RIPOR2: variants seen among roughly 807,000 people sequenced by gnomAD.
RIPOR2 encodes RHO family interacting cell polarization regulator 2, also known as rho family-interacting cell polarization regulator 2.
Under a neutral mutation model 114.5 loss-of-function variants are expected in RIPOR2, and 39 were observed. The ratio of observed to expected loss-of-function variants is 0.34; its 90% CI spans 0.26 to 0.44. The LOEUF is 0.44. Ranked by LOEUF, RIPOR2 falls within the 20% of genes least tolerant of loss-of-function variation. The pLI is 1.00. For missense variants in RIPOR2, 1,007 were observed against 1,255.1 expected (o/e 0.80, Z 2.99); for synonymous variants, 445 against 484.4 (o/e 0.92, Z 1.07).
At chr6:24,861,553 G>A (rs1422960549) in intron 7 of RIPOR2, among the ~76,000 whole-genome samples, 1 of 152,208 alleles carries the variant, frequency 6.6e-6, no homozygotes, top group Non-Finnish European at 1.5e-5. Context: ...ATGGTATGTG[G>A]TTATGTAGGA....
intron 1 of RIPOR2, among the ~76,000 whole-genome samples, chr6:24,943,987 A>C (rs1426154197): frequency 2.0e-5 from 3 of 152,160 alleles, no homozygotes; most frequent in African/African-American, 4.8e-5. Context: ...CAGCCGCCTA[A>C]GTCAGTGGAT....
intron 1 of RIPOR2, among the ~76,000 whole-genome samples, chr6:24,950,470 T>C (rs1477462539): frequency 1.3e-5 from 2 of 152,170 alleles, no homozygotes; most frequent in Non-Finnish European, 2.9e-5. Flanking sequence ...TTAATGACAA[T>C]AAAGGCACAT....
intron 19 of RIPOR2, among the ~76,000 whole-genome samples, chr6:24,820,869 CTTTTTTTTTTT>C (rs34770819): frequency 4.8e-5 from 4 of 84,064 alleles, no homozygotes; most frequent in Non-Finnish European, 8.7e-5. Flanking sequence ...GTTTAACACT[CTTTTTTTTTTT>C]TTTTTTTTTT....
intron 1 of RIPOR2, among the ~76,000 whole-genome samples, chr6:24,904,298 T>C (rs1055128254): frequency 6.6e-6 from 1 of 152,236 alleles, no homozygotes; most frequent in Non-Finnish European, 1.5e-5. Context: ...ATCTGTTTCC[T>C]TGCCCTTTCT....
At chr6:25,023,759 G>A in intron 1 of RIPOR2, 1 of 801,324 alleles carries the variant, frequency 1.2e-6, no homozygotes, top group Non-Finnish European at 2.2e-6. Flanking sequence ...CAAGGAGGTC[G>A]GGTGGGTGGA....
At chr6:24,862,798 A>AC (rs368015287) in intron 7 of RIPOR2, among the ~76,000 whole-genome samples, 1 of 145,544 alleles carries the variant, frequency 6.9e-6, no homozygotes, top group Admixed American at 6.8e-5. Flanking sequence ...TCCCCCGACC[A>AC]CTGGCACCCC....
intron 1 of RIPOR2, among the ~76,000 whole-genome samples, chr6:24,934,723 G>A (rs569169225): frequency 6.9e-4 from 105 of 152,250 alleles, no homozygotes; most frequent in African/African-American, 2.4e-3. Flanking sequence ...CCTTTATTTA[G>A]GTGGCTCCAA....
At chr6:24,839,831 G>C (rs1761480377) in intron 13 of RIPOR2, 1 of 1,276,638 alleles carries the variant, frequency 7.8e-7, no homozygotes, top group African/African-American at 1.6e-5. Flanking sequence ...AAAGGCGCTA[G>C]CTATCTAAGG....
At position 24,842,977 on chromosome 6, in the gene RIPOR2, C is replaced by G. The variant is rs770592883; in HGVS notation, c.1742G>C (p.Gly581Ala). The G allele has an allele frequency of 1.0e-5, 16 of 1,555,184 alleles. No homozygotes were observed. In the Admixed American group the frequency reaches 3.0e-4, roughly 29 times the overall value. Residue 581 changes from glycine to alanine, a missense_variant, in exon 13 of 22, where the codon GGA (glycine) becomes GCA (alanine). By Grantham distance (60) the Gly-to-Ala change is moderately conservative. Coordinates refer to ENST00000643898, the MANE Select transcript of RIPOR2 (RefSeq NM_001286445.3). Reference sequence around the variant, plus strand: ...CCCATTAAAAGCATCCTCTAAGCTTCCATCTAGAAAGGATCTGCAGCCTTC... The same window carrying G: ...CCCATTAAAAGCATCCTCTAAGCTTGCATCTAGAAAGGATCTGCAGCCTTC... ...ESEGCRSFLD[G>A]SLEDAFNGLL...
At chr6:24,918,136 G>T (rs1350944880) in intron 1 of RIPOR2, among the ~76,000 whole-genome samples, 1 of 152,178 alleles carries the variant, frequency 6.6e-6, no homozygotes, top group Non-Finnish European at 1.5e-5. Context: ...ATGAAAGTGA[G>T]GTGGGAATAT....
At chr6:24,850,762 C>G (rs550043686) in intron 9 of RIPOR2, 40 bp from the exon 10 acceptor site, 1 of 1,610,382 alleles carries the variant, frequency 6.2e-7, no homozygotes, top group African/African-American at 1.3e-5. Context: ...GTCTTGCCAC[C>G]CCCTCTTCTC....
Position 24,804,797 on chromosome 6 carries a change from A to AT in RIPOR2, c.*1575dup, listed in dbSNP as rs1487106063. 11 of 152,364 alleles carry AT rather than the reference A, an allele frequency of 7.2e-5. No individual in the cohort carries two copies. The highest frequency in any genetic ancestry group is 1.5e-4 in the Non-Finnish European group (10 of 68,040). 9.4% of individuals were successfully genotyped at this position (152,364 alleles called of 1,614,324 possible). A position where few individuals can be genotyped will look rare whatever the true frequency, so the allele number is the denominator to read the frequency against. Reference sequence around the variant, plus strand: ...GTACAGTTGATATTCCACAGTTTAAATTACACTCACATATATTGTTTTGAT... The same window carrying AT: ...GTACAGTTGATATTCCACAGTTTAAATTTACACTCACATATATTGTTTTGAT... On this transcript the variant is annotated 3_prime_UTR_variant, in exon 22 of 22. Transcript: ENST00000643898.
intron 1 of RIPOR2, among the ~76,000 whole-genome samples, chr6:24,951,644 G>A (rs1340325555): frequency 6.6e-6 from 1 of 152,188 alleles, no homozygotes; most frequent in African/African-American, 2.4e-5. Context: ...AAAGAAAACT[G>A]TGTAAGGCAC....
chr6:24,979,199 G>T (rs1475255747), intron 1 of RIPOR2, among the ~76,000 whole-genome samples: 1 of 150,912 alleles, frequency 6.6e-6, no homozygotes, highest in African/African-American at 2.4e-5. Flanking sequence ...TCCCCTCTCT[G>T]CTCCACTCCC....
At chr6:25,021,643 G>A (rs1185639692) in intron 1 of RIPOR2, among the ~76,000 whole-genome samples, 2 of 152,178 alleles carry the variant, frequency 1.3e-5, no homozygotes, top group South Asian at 4.1e-4. Flanking sequence ...CAGAGGGAAA[G>A]GGTGGGAAGG....
At chr6:24,820,136 G>T (rs1433682865) in intron 19 of RIPOR2, among the ~76,000 whole-genome samples, 1 of 152,042 alleles carries the variant, frequency 6.6e-6, no homozygotes, top group Non-Finnish European at 1.5e-5. Context: ...GGGTTCAAGC[G>T]ATTCTCCTGC....
intron 1 of RIPOR2, chr6:24,976,767 C>T (rs1774071087): frequency 6.2e-7 from 1 of 1,611,658 alleles, no homozygotes; most frequent in African/African-American, 1.3e-5. Flanking sequence ...CATACAGGTC[C>T]TGAAATCTTG....
At chr6:24,995,872 A>G (rs1775022576) in intron 1 of RIPOR2, among the ~76,000 whole-genome samples, 1 of 142,706 alleles carries the variant, frequency 7.0e-6, no homozygotes, top group African/African-American at 2.6e-5. Context: ...GCGTGATCTC[A>G]GCTCACTGCA....
At chr6:24,987,877 C>G (rs114271965) in intron 1 of RIPOR2, among the ~76,000 whole-genome samples, 2,548 of 152,196 alleles carry the variant, frequency 0.017, 36 homozygotes, top group Non-Finnish European at 0.031. Context: ...AAAAATAAAC[C>G]AGGCCTATAC....
Sources: gnomAD v4.1 joint callset for allele counts (sites outside exome capture counted in the v4.1 genomes callset) on GRCh38, gnomAD v4.1.1 for gene constraint, MANE v1.5 for transcripts, NCBI Gene and HGNC (gene_info 2026-07-23, HGNC 2026-07-21) for gene names.